Variants in FARS2 observed in about 807,000 individuals in gnomAD.
FARS2 encodes the protein phenylalanyl-tRNA synthetase 2, mitochondrial.
Under a neutral mutation model 46.4 loss-of-function variants are expected in FARS2, and 40 were observed. The ratio of observed to expected loss-of-function variants is 0.86; its 90% CI spans 0.67 to 1.12. The LOEUF is 1.12. Among genes scored for constraint, FARS2 ranks in the 50% most tolerant of loss-of-function variants. The pLI, the probability that FARS2 is intolerant of heterozygous loss-of-function variation, is 0.00. For synonymous variants in FARS2, 234 were observed against 214.9 expected (o/e 1.09, Z -0.78); for missense variants, 513 against 567.9 (o/e 0.90, Z 0.98).
chr6:5,630,166 C>T lies in FARS2; in HGVS notation c.1217+16846C>T, dbSNP rs58102543. 7.9e-5 allele frequency among the ~76,000 whole-genome samples: 12 copies of T among 152,042 alleles called. No homozygotes were observed. In the East Asian group the frequency reaches 1.4e-3, roughly 17 times the overall value. ...TGAAGAGCAAGGTGAGGAAAGGACCCGAGGGAACACCAAGGTTTAAAGGAT... is the reference window on the plus strand; with the variant it reads ...TGAAGAGCAAGGTGAGGAAAGGACCTGAGGGAACACCAAGGTTTAAAGGAT... On this transcript the variant is annotated intron_variant, in intron 6 of 6. Transcript: ENST00000274680. This position sits in a 1 kb window ranked among gnomAD's most constrained non-coding sequence, Gnocchi z 4.2.
intron 1 of FARS2, among the ~76,000 whole-genome samples, chr6:5,366,452 T>G (rs111728973): frequency 2.0e-5 from 3 of 152,206 alleles, no homozygotes; most frequent in African/African-American, 7.2e-5. Context: ...TCTCTCTCTG[T>G]TAGAGATAGT....
intron 6 of FARS2, among the ~76,000 whole-genome samples, chr6:5,762,974 C>T (rs918372546): frequency 1.3e-5 from 2 of 152,148 alleles, no homozygotes; most frequent in Non-Finnish European, 2.9e-5. Flanking sequence ...AGAACCTCCT[C>T]TCCTCCTCTG....
intron 6 of FARS2, among the ~76,000 whole-genome samples, chr6:5,771,087 G>A (rs1411706931): frequency 2.0e-5 from 3 of 152,186 alleles, no homozygotes; most frequent in Non-Finnish European, 4.4e-5. Context: ...GAAACCAGCA[G>A]CCTCCTTTAG....
At chr6:5,322,016 G>A (rs1481875258) in intron 1 of FARS2, among the ~76,000 whole-genome samples, 2 of 152,190 alleles carry the variant, frequency 1.3e-5, no homozygotes, top group African/African-American at 2.4e-5. Context: ...AAGAATTGAA[G>A]GGAAGGTTCA....
At chr6:5,718,994 T>G (rs1759697761) in intron 6 of FARS2, among the ~76,000 whole-genome samples, 1 of 152,204 alleles carries the variant, frequency 6.6e-6, no homozygotes, top group Non-Finnish European at 1.5e-5. Context: ...TTGCACCTTA[T>G]GCAGAACAAA....
intron 5 of FARS2, among the ~76,000 whole-genome samples, chr6:5,607,875 A>G (rs1436591541): frequency 1.3e-5 from 2 of 152,130 alleles, no homozygotes; most frequent in Non-Finnish European, 2.9e-5. Context: ...GATATAGAAG[A>G]TTAGAATAAT....
intron 4 of FARS2, among the ~76,000 whole-genome samples, chr6:5,510,071 G>A (rs1032988352): frequency 1.3e-5 from 2 of 152,170 alleles, no homozygotes; most frequent in East Asian, 1.9e-4. Context: ...AGGCAGCACC[G>A]CTAGATTTTT....
intron 6 of FARS2, among the ~76,000 whole-genome samples, chr6:5,709,716 TG>T (rs373161861): frequency 0.014 from 1,806 of 133,550 alleles, 48 homozygotes; most frequent in African/African-American, 0.045. Flanking sequence ...ACGTGCATGT[TG>T]GGGGGGGTGG....
At chr6:5,691,969 G>A (rs1353380033) in intron 6 of FARS2, among the ~76,000 whole-genome samples, 1 of 152,218 alleles carries the variant, frequency 6.6e-6, no homozygotes, top group Admixed American at 6.5e-5. Flanking sequence ...GGCTCCGTGG[G>A]CGTAGGACCC....
At chr6:5,559,055 C>T (rs544709521) in intron 5 of FARS2, among the ~76,000 whole-genome samples, 4 of 152,144 alleles carry the variant, frequency 2.6e-5, no homozygotes, top group South Asian at 2.1e-4. Flanking sequence ...GTGTGCCTAC[C>T]AGCCAGCTAT....
intron 6 of FARS2, among the ~76,000 whole-genome samples, chr6:5,703,028 A>C (rs565295798): frequency 6.6e-6 from 1 of 152,186 alleles, no homozygotes; most frequent in African/African-American, 2.4e-5. Flanking sequence ...TTCTGCTTCA[A>C]AGTAAAACTA....
At chr6:5,584,141 A>ACACACACACACACACACACACACT (rs1561731442) in intron 5 of FARS2, among the ~76,000 whole-genome samples, 2 of 146,474 alleles carry the variant, frequency 1.4e-5, no homozygotes, top group Admixed American at 1.4e-4. Flanking sequence ...ACACACACAC[A>ACACACACACACACACACACACACT]CTCCTTGAGT....
In FARS2 at chr6:5,409,507, C is replaced by T. The variant is rs116181784; in HGVS notation, c.772+4806C>T. Among the ~76,000 whole-genome samples, 628 of 151,822 alleles carry T rather than the reference C, an allele frequency of 4.1e-3. 5 individuals carry two copies. Among genetic ancestry groups the T allele is most frequent in the African/African-American group, 0.014 (575 of 41,458 alleles). On this transcript the variant is annotated intron_variant, in intron 3 of 6. Transcript: ENST00000274680. ...AGTGAACTTGTAGCTTCTTTCATTT[C>T]GGCATATGTTGCTTTATTGTTTTAA... is the stretch of plus-strand genomic sequence containing the variant.
intron 2 of FARS2, among the ~76,000 whole-genome samples, chr6:5,384,453 G>A (rs1759990603): frequency 6.6e-6 from 1 of 152,144 alleles, no homozygotes; most frequent in Non-Finnish European, 1.5e-5. Flanking sequence ...GCCTTCTGCC[G>A]GCCACATGGC....
intron 6 of FARS2, among the ~76,000 whole-genome samples, chr6:5,660,710 G>A (rs931570785): frequency 4.0e-5 from 6 of 151,776 alleles, no homozygotes; most frequent in Admixed American, 1.3e-4. Flanking sequence ...TGTGAGGCCA[G>A]GGAGAGAAGA....
At chr6:5,410,157 G>GTTTTTTTTTTT (rs67469826) in intron 3 of FARS2, among the ~76,000 whole-genome samples, 1 of 136,832 alleles carries the variant, frequency 7.3e-6, no homozygotes, top group African/African-American at 2.8e-5. Context: ...GTGTTTTTTT[G>GTTTTTTTTTTT]TTTTTTTTTT....
At chr6:5,284,998 A>G (rs1250372951) in intron 1 of FARS2, among the ~76,000 whole-genome samples, 2 of 152,152 alleles carry the variant, frequency 1.3e-5, no homozygotes, top group Non-Finnish European at 2.9e-5. Context: ...CTCAACCTCT[A>G]ACGTTTTGTT....
chr6:5,518,625 T>C (rs193230924), intron 4 of FARS2, among the ~76,000 whole-genome samples: 10 of 152,336 alleles, frequency 6.6e-5, no homozygotes, highest in Admixed American at 2.6e-4. Context: ...TGATCACATA[T>C]ATTTAAAAAC....
At chr6:5,403,747 A>G (rs1343397054) in intron 2 of FARS2, among the ~76,000 whole-genome samples, 1 of 152,166 alleles carries the variant, frequency 6.6e-6, no homozygotes, top group Non-Finnish European at 1.5e-5. Flanking sequence ...TTGGGTGGGA[A>G]GAATGATACA....
Sources: gnomAD v4.1 joint callset for allele counts (sites outside exome capture counted in the v4.1 genomes callset) on GRCh38, gnomAD v4.1.1 for gene constraint, Gnocchi (gnomAD v3.1) non-coding constraint, MANE v1.5 for transcripts, NCBI Gene and HGNC (gene_info 2026-07-23, HGNC 2026-07-21) for gene names.